TEX29: variants seen among roughly 807,000 people sequenced by gnomAD.
TEX29 encodes testis-expressed protein 29.
Under a neutral mutation model 18.2 loss-of-function variants are expected in TEX29, and 26 were observed. That is an observed-to-expected ratio of 1.43 (90% CI 1.04 to 1.98). The LOEUF is 1.98. Among genes scored for constraint, TEX29 ranks in the 30% most tolerant of loss-of-function variants. The pLI is 0.00. For synonymous variants in TEX29, 83 were observed against 78.5 expected (o/e 1.06, Z -0.31); for missense variants, 177 against 194.2 (o/e 0.91, Z 0.53).
chr13:111,331,972 A>G (rs1490522620), intron 3 of TEX29, among the ~76,000 whole-genome samples: 3 of 152,174 alleles, frequency 2.0e-5, no homozygotes, highest in Non-Finnish European at 4.4e-5. Context: ...AAATTTTGAA[A>G]TCAGAATGTG....
At chr13:111,322,314 T>C (rs2093666079) in intron 2 of TEX29, among the ~76,000 whole-genome samples, 1 of 151,786 alleles carries the variant, frequency 6.6e-6, no homozygotes, top group Admixed American at 6.6e-5. Flanking sequence ...GGGCCGCTCT[T>C]GTGGACGGCT....
chr13:111,332,897 C>G lies in TEX29; in HGVS notation c.169+4604C>G, dbSNP rs2093684671. Among the ~76,000 whole-genome samples the G allele has an allele frequency of 2.6e-5, 4 of 152,178 alleles. No homozygotes were observed. The South Asian group carries it at 8.3e-4, about 32-fold the overall frequency. On this transcript the variant is annotated intron_variant, in intron 3 of 5. Coordinates refer to ENST00000283547, the MANE Select transcript of TEX29 (RefSeq NM_152324.3). ...TTCTTTCATTTCATCCTAAGAGACTCCCTTTGGTATTTCGTATAAAGAAGC... is the reference window on the plus strand; with the variant it reads ...TTCTTTCATTTCATCCTAAGAGACTGCCTTTGGTATTTCGTATAAAGAAGC...
chr13:111,337,841 C>T (rs970194323), intron 3 of TEX29, among the ~76,000 whole-genome samples: 7 of 152,184 alleles, frequency 4.6e-5, no homozygotes, highest in East Asian at 1.9e-4. Flanking sequence ...CCCCAAGCCT[C>T]GCTCCCTTCC....
intron 3 of TEX29, among the ~76,000 whole-genome samples, chr13:111,335,489 T>G (rs926606163): frequency 6.6e-6 from 1 of 152,264 alleles, no homozygotes; most frequent in Non-Finnish European, 1.5e-5. Context: ...GTTTGCTGCA[T>G]TGGCACTTGT....
intron 4 of TEX29, among the ~76,000 whole-genome samples, chr13:111,342,223 A>G (rs1174803553): frequency 6.6e-6 from 1 of 152,212 alleles, no homozygotes; most frequent in Non-Finnish European, 1.5e-5. Context: ...CTCTTTGTCC[A>G]GGAATGAGTA....
intron 3 of TEX29, among the ~76,000 whole-genome samples, chr13:111,333,604 T>C (rs1353567249): frequency 6.6e-6 from 1 of 152,268 alleles, no homozygotes; most frequent in East Asian, 1.9e-4. Context: ...ATTTGATGAA[T>C]GTATTAGTCA....
chr13:111,342,712 C>T (rs1372307398), intron 4 of TEX29, 44 bp from the exon 5 acceptor site: 3 of 1,589,410 alleles, frequency 1.9e-6, no homozygotes, highest in Non-Finnish European at 2.6e-6. Context: ...GAGAGTTTTC[C>T]ATCTGTAACT....
At position 111,340,047 on chromosome 13, in the gene TEX29, A is replaced by G. The variant is rs897191520; in HGVS notation, c.239+115A>G. On this transcript the variant is annotated intron_variant, in intron 4 of 5. Coordinates refer to ENST00000283547, the MANE Select transcript of TEX29 (RefSeq NM_152324.3). ...GCTTGGTGCTGCTGGGGTGACTGAG[A>G]ACAGCTCTCCGTGAGCCTGGGAAAG... 38 of 936,256 alleles carry G rather than the reference A, an allele frequency of 4.1e-5. No individual in the cohort carries two copies. The African/African-American group carries it at 6.1e-4, about 15-fold the overall frequency. 58.0% of individuals were successfully genotyped at this position (936,256 alleles called of 1,614,324 possible).
upstream of TEX29, among the ~76,000 whole-genome samples, chr13:111,318,957 C>T (rs917012134): frequency 2.0e-5 from 3 of 152,180 alleles, no homozygotes; most frequent in Admixed American, 2.0e-4. Flanking sequence ...ATTTGCTGTC[C>T]TCCGAAGTCC....
In TEX29 at chr13:111,339,873, C is replaced by G. The variant is rs373934464; in HGVS notation, c.180C>G (p.His60Gln). The G allele has an allele frequency of 6.2e-7, 1 of 1,612,926 alleles. No homozygotes were observed. Among genetic ancestry groups the G allele is most frequent in the African/African-American group, 1.3e-5 (1 of 74,656 alleles). The change falls in exon 4 of 6, where the codon CAC becomes CAG. Residue 60 changes from histidine to glutamine, a missense_variant. Transcript: ENST00000283547. ...CCCACCATTTTTCAGTTTACATCCA[C>G]GTGTTCTCTGCCTTGATTGTGATCA... ...CYKKAVPIYIHVFSALIVIIA... is the reference protein window; with the variant it reads ...CYKKAVPIYIQVFSALIVIIA...
At chr13:111,318,534 C>T (rs1261567485), upstream of TEX29, among the ~76,000 whole-genome samples, 1 of 152,218 alleles carries the variant, frequency 6.6e-6, no homozygotes, top group East Asian at 1.9e-4. Context: ...GAGTCTGGGG[C>T]AGTCCCTGCC....
chr13:111,325,029 C>T (rs752632714), intron 2 of TEX29, among the ~76,000 whole-genome samples: 1 of 152,264 alleles, frequency 6.6e-6, no homozygotes, highest in Non-Finnish European at 1.5e-5. Context: ...GACGGGGTGA[C>T]GGGACAGATT....
At chr13:111,323,432 C>T (rs1420146296) in intron 2 of TEX29, among the ~76,000 whole-genome samples, 1 of 152,248 alleles carries the variant, frequency 6.6e-6, no homozygotes. Context: ...CTGTCAGCTG[C>T]TGCCTAAAGA....
chr13:111,325,226 C>CAGGGGAG (rs1296786487), intron 2 of TEX29, among the ~76,000 whole-genome samples: 2 of 152,374 alleles, frequency 1.3e-5, no homozygotes, highest in African/African-American at 4.8e-5. Flanking sequence ...CCCCGTTCCC[C>CAGGGGAG]TAGCCTGGCC....
intron 2 of TEX29, 105 bp from the exon 3 acceptor site, chr13:111,328,078 C>A: frequency 1.4e-6 from 1 of 689,850 alleles, no homozygotes; most frequent in Non-Finnish European, 2.6e-6. Context: ...AAAACCACAA[C>A]ACAAACCCAC....
Position 111,328,893 on chromosome 13 carries a change from C to T in TEX29, c.169+600C>T, listed in dbSNP as rs116355970. 6.6e-3 allele frequency among the ~76,000 whole-genome samples: 1,006 copies of T among 152,316 alleles called. 6 individuals are homozygous for T. Among genetic ancestry groups the T allele is most frequent in the African/African-American group, 0.022 (908 of 41,566 alleles). On this transcript the variant is annotated intron_variant, in intron 3 of 5. Coordinates refer to ENST00000283547, the MANE Select transcript of TEX29 (RefSeq NM_152324.3). ...CGGAGGCGTTGCCACTCCCCATCCC[C>T]GTGAAGGCTTCCGGAGGGAGGCGCG...
intron 3 of TEX29, among the ~76,000 whole-genome samples, chr13:111,336,465 G>T (rs757620793): frequency 6.6e-6 from 1 of 152,196 alleles, no homozygotes; most frequent in East Asian, 1.9e-4. Flanking sequence ...AGTGCACATT[G>T]TGTTATGGCA....
chr13:111,326,143 G>A (rs1435011370), intron 2 of TEX29, among the ~76,000 whole-genome samples: 2 of 150,104 alleles, frequency 1.3e-5, no homozygotes, highest in Non-Finnish European at 3.0e-5. Context: ...CAGATGGGGT[G>A]GAAGAGCGTT....
chr13:111,322,087 C>T (rs1219569661), intron 2 of TEX29, among the ~76,000 whole-genome samples: 2 of 152,228 alleles, frequency 1.3e-5, no homozygotes, highest in Admixed American at 6.5e-5. Context: ...CTGCAGCTCT[C>T]GCAGCGGGAC....
Sources: allele counts gnomAD v4.1 joint callset (sites outside exome capture counted in the v4.1 genomes callset), GRCh38; gene constraint gnomAD v4.1.1; transcripts MANE v1.5; gene names NCBI Gene and HGNC (gene_info 2026-07-23, HGNC 2026-07-21).